The following ROBO1 variants were observed in gnomAD, a reference collection of about 807,000 sequenced individuals.
ROBO1 encodes the protein roundabout guidance receptor 1.
A neutral mutation model predicts 195.9 loss-of-function variants in ROBO1; 149 were observed. That is an observed-to-expected ratio of 0.76 (90% confidence interval 0.67 to 0.87). The LOEUF is 0.87. ROBO1 is among the 40% of genes least tolerant of loss of function. The pLI is 0.00. For missense variants in ROBO1, 1,933 were observed against 2,068.3 expected (o/e 0.93, Z 1.27); for synonymous variants, 816 against 733.2 (o/e 1.11, Z -1.82).
chr3:78,668,688 A>G, intron 11 of ROBO1, 123 bp from the exon 12 acceptor site: 1 of 719,656 alleles, frequency 1.4e-6, no homozygotes, highest in Non-Finnish European at 2.3e-6. Context: ...CACTAACCAG[A>G]AACTTCCCCT....
intron 3 of ROBO1, among the ~76,000 whole-genome samples, chr3:78,968,054 AAC>A (rs1359104247): frequency 2.0e-5 from 3 of 152,110 alleles, no homozygotes; most frequent in Non-Finnish European, 4.4e-5. Context: ...TTTCATCTTA[AAC>A]ACAGTTTATT....
intron 2 of ROBO1, among the ~76,000 whole-genome samples, chr3:79,205,603 T>TTC (rs1260439647): frequency 6.6e-6 from 1 of 152,186 alleles, no homozygotes; most frequent in Non-Finnish European, 1.5e-5. Context: ...CACTCTTGCA[T>TTC]TCTCTTGGCA....
At chr3:79,542,168 C>T (rs529399684) in intron 2 of ROBO1, among the ~76,000 whole-genome samples, 2 of 151,926 alleles carry the variant, frequency 1.3e-5, no homozygotes, top group Non-Finnish European at 2.9e-5. Flanking sequence ...CTCCAAAGGA[C>T]TGTCAGTAGC....
intron 4 of ROBO1, among the ~76,000 whole-genome samples, chr3:78,802,972 A>G (rs750913928): frequency 1.2e-4 from 19 of 152,170 alleles, no homozygotes; most frequent in Non-Finnish European, 2.1e-4. Flanking sequence ...ACTGCCTTCA[A>G]TAAGGGCTAG....
chr3:78,718,443 C>A (rs929046173), intron 5 of ROBO1, among the ~76,000 whole-genome samples: 1 of 152,034 alleles, frequency 6.6e-6, no homozygotes, highest in Non-Finnish European at 1.5e-5. Flanking sequence ...GATGTTGCTG[C>A]CACCCAAGCT....
At chr3:78,703,313 G>T (rs943145707) in intron 8 of ROBO1, among the ~76,000 whole-genome samples, 2 of 152,100 alleles carry the variant, frequency 1.3e-5, no homozygotes, top group Non-Finnish European at 2.9e-5. Flanking sequence ...TCTTATTTAC[G>T]CCACTGGATC....
chr3:79,316,031 A>G (rs2033715720), intron 2 of ROBO1, among the ~76,000 whole-genome samples: 1 of 152,186 alleles, frequency 6.6e-6, no homozygotes, highest in African/African-American at 2.4e-5. Context: ...CGCAATTCTA[A>G]CCTCAATAGG....
At chr3:78,947,902 C>A (rs1446399253) in intron 3 of ROBO1, among the ~76,000 whole-genome samples, 1 of 152,164 alleles carries the variant, frequency 6.6e-6, no homozygotes, top group Non-Finnish European at 1.5e-5. Context: ...CACCTCTACA[C>A]AAATAAACTA....
At chr3:79,697,621 A>G (rs955225996) in intron 1 of ROBO1, among the ~76,000 whole-genome samples, 12 of 151,626 alleles carry the variant, frequency 7.9e-5, no homozygotes, top group African/African-American at 2.9e-4. Flanking sequence ...GTGTTTTCAA[A>G]TTCTTTGTCA....
chr3:79,714,845 T>C (rs1702418716), intron 1 of ROBO1, among the ~76,000 whole-genome samples: 2 of 121,742 alleles, frequency 1.6e-5, no homozygotes, highest in Non-Finnish European at 3.3e-5. Context: ...CTGGGGACTG[T>C]TGTGGGGTGG....
intron 2 of ROBO1, among the ~76,000 whole-genome samples, chr3:79,272,527 C>T (rs1466694328): frequency 1.3e-5 from 2 of 152,174 alleles, no homozygotes; most frequent in East Asian, 1.9e-4. Flanking sequence ...GTAGAAAAGA[C>T]AGTCTTGAAT....
At chr3:78,888,945 C>A (rs983358579) in intron 4 of ROBO1, among the ~76,000 whole-genome samples, 3 of 152,108 alleles carry the variant, frequency 2.0e-5, no homozygotes, top group African/African-American at 7.2e-5. Flanking sequence ...TGAATATAAA[C>A]AGAATGTAAA....
intron 2 of ROBO1, among the ~76,000 whole-genome samples, chr3:79,156,956 A>G (rs1357621695): frequency 6.6e-6 from 1 of 151,862 alleles, no homozygotes; most frequent in East Asian, 1.9e-4. Flanking sequence ...TCTTTCAGAG[A>G]GCACACTTCA....
chr3:78,864,605 A>G (rs968668240), intron 4 of ROBO1, among the ~76,000 whole-genome samples: 7 of 152,138 alleles, frequency 4.6e-5, no homozygotes, highest in Non-Finnish European at 8.8e-5. Context: ...TGAAGTAAAT[A>G]CATGTATTTT....
At position 78,812,139 on chromosome 3, in the gene ROBO1, A is replaced by G. The variant is rs138551040; in HGVS notation, c.500-65239T>C. 6.4e-4 allele frequency among the ~76,000 whole-genome samples: 97 copies of G among 152,224 alleles called. 1 individual carries two copies. The East Asian group carries it at 0.016, about 25-fold the overall frequency. On this transcript the variant is annotated intron_variant, in intron 4 of 30. Coordinates refer to ENST00000464233, the MANE Select transcript of ROBO1 (RefSeq NM_002941.4). ...CATCTAAATCAAGAGTGAATTTTCT[A>G]AAGTGAACTCACCCTAAACTACGTC...
chr3:79,443,903 G>A (rs899413175), intron 2 of ROBO1, among the ~76,000 whole-genome samples: 1 of 151,816 alleles, frequency 6.6e-6, no homozygotes, highest in Non-Finnish European at 1.5e-5. Context: ...TCTTGACAGT[G>A]GGTATTACAA....
intron 3 of ROBO1, among the ~76,000 whole-genome samples, chr3:79,054,745 G>A (rs545486678): frequency 2.0e-5 from 3 of 152,204 alleles, no homozygotes; most frequent in South Asian, 4.1e-4. Flanking sequence ...GAAACATTGG[G>A]TAAGTACTTG....
intron 3 of ROBO1, among the ~76,000 whole-genome samples, chr3:78,962,144 G>A (rs2041383436): frequency 6.6e-6 from 1 of 152,070 alleles, no homozygotes; most frequent in South Asian, 2.1e-4. Context: ...CTAGAACCAG[G>A]ATCCTGTTCT....
At chr3:78,670,905 C>A (rs544932479) in intron 10 of ROBO1, among the ~76,000 whole-genome samples, 8 of 152,030 alleles carry the variant, frequency 5.3e-5, no homozygotes, top group Non-Finnish European at 1.2e-4. Flanking sequence ...GAAAATTACC[C>A]AACTGTAATG....
Sources: gnomAD v4.1 joint callset for allele counts (sites outside exome capture counted in the v4.1 genomes callset) on GRCh38, gnomAD v4.1.1 for gene constraint, MANE v1.5 for transcripts, NCBI Gene and HGNC (gene_info 2026-07-23, HGNC 2026-07-21) for gene names.